Variants in BCL2 observed in about 807,000 individuals in gnomAD.
BCL2 encodes apoptosis regulator Bcl-2.
Under a neutral mutation model 14.2 loss-of-function variants are expected in BCL2, and 1 was observed. The ratio of observed to expected loss-of-function variants is 0.07; its 90% CI spans 0.02 to 0.33. BCL2 has a LOEUF of 0.33. Among genes scored for constraint, BCL2 ranks in the 10% least tolerant of loss-of-function variants. The probability of loss-of-function intolerance (pLI) is 0.99; values close to 1 mark genes in which losing one functional copy is unlikely to be tolerated. For missense variants in BCL2, 247 were observed against 305.9 expected, an observed-to-expected ratio of 0.81 and a Z score of 1.44; for synonymous variants, 151 against 137.2, an observed-to-expected ratio of 1.10 and a Z score of -0.70.
chr18:63,254,383 TAAAAAAAAAAA>T (rs71162613), intron 2 of BCL2, among the ~76,000 whole-genome samples: 1 of 38,412 alleles, frequency 2.6e-5, no homozygotes, highest in African/African-American at 1.1e-4. Flanking sequence ...CTGTCTTTGC[TAAAAAAAAAAA>T]AAAAAAAAAA....
At chr18:63,217,640 G>A (rs761961231) in intron 2 of BCL2, among the ~76,000 whole-genome samples, 3 of 152,186 alleles carry the variant, frequency 2.0e-5, no homozygotes, top group Non-Finnish European at 4.4e-5. Context: ...TGTGAAATAA[G>A]AGTGACCATC....
chr18:63,307,682 G>C (rs1423439774), intron 2 of BCL2, among the ~76,000 whole-genome samples: 1 of 152,158 alleles, frequency 6.6e-6, no homozygotes, highest in East Asian at 1.9e-4. Context: ...AGCAGCACAG[G>C]GGACAGATAC....
intron 2 of BCL2, among the ~76,000 whole-genome samples, chr18:63,170,549 A>G (rs749888272): frequency 2.0e-5 from 3 of 152,230 alleles, no homozygotes; most frequent in Non-Finnish European, 4.4e-5. Context: ...ACCCCAGGTC[A>G]GAGAAAGTCC....
intron 2 of BCL2, among the ~76,000 whole-genome samples, chr18:63,198,241 C>T (rs1568230983): frequency 6.7e-6 from 1 of 148,458 alleles, no homozygotes; most frequent in Non-Finnish European, 1.5e-5. Flanking sequence ...CACACACTGA[C>T]ATAGAGACAC....
At position 63,126,945 on chromosome 18, in the gene BCL2, G is replaced by T; in HGVS notation, c.*1680C>A. 4.4e-6 allele frequency: 1 copy of T among 226,084 alleles called. No homozygotes were observed. Among genetic ancestry groups the T allele is most frequent in the Non-Finnish European group, 8.8e-6 (1 of 113,394 alleles). The allele number at this position is 226,084 out of a possible 1,614,324, so 14.0% of individuals were successfully genotyped here. ...GTTATTCCATCAATGTTTCAAGGCT[G>T]ATTCTAAACTGGAAGAAAAAAAAAT... On this transcript the variant is annotated 3_prime_UTR_variant, in exon 3 of 3. Transcript: ENST00000333681.
chr18:63,282,313 C>G (rs1912341450), intron 2 of BCL2, among the ~76,000 whole-genome samples: 2 of 152,132 alleles, frequency 1.3e-5, no homozygotes, highest in African/African-American at 2.4e-5. Flanking sequence ...CGATTCCAAT[C>G]CAGAGTTGTA....
chr18:63,185,167 T>G (rs1203388168), intron 2 of BCL2, among the ~76,000 whole-genome samples: 1 of 152,180 alleles, frequency 6.6e-6, no homozygotes, highest in African/African-American at 2.4e-5. Context: ...GTCAAACATA[T>G]TCAGTGTCAC....
intron 2 of BCL2, among the ~76,000 whole-genome samples, chr18:63,222,993 A>C (rs899471860): frequency 6.6e-6 from 1 of 152,244 alleles, no homozygotes; most frequent in Non-Finnish European, 1.5e-5. Context: ...AAGGAAGCTG[A>C]ATCCTCAGTG....
At chr18:63,240,518 G>C (rs1910970074) in intron 2 of BCL2, among the ~76,000 whole-genome samples, 1 of 152,160 alleles carries the variant, frequency 6.6e-6, no homozygotes, top group African/African-American at 2.4e-5. Context: ...CTAGATAAAG[G>C]AATCTGGACA....
Position 63,123,547 on chromosome 18 carries a change from C to G in BCL2, c.*5078G>C, listed in dbSNP as rs925350723. On this transcript the variant is annotated 3_prime_UTR_variant, in exon 3 of 3. Coordinates refer to ENST00000333681, the MANE Select transcript of BCL2 (RefSeq NM_000633.3). Reference sequence around the variant, plus strand: ...TGTGTACAGTGTTGCAGAATATCAGCCACCTCTTAAAAGTATCAATCTTAA... The same window carrying G: ...TGTGTACAGTGTTGCAGAATATCAGGCACCTCTTAAAAGTATCAATCTTAA... 3 of 207,662 alleles carry G rather than the reference C, an allele frequency of 1.4e-5. No homozygotes were observed. Among genetic ancestry groups the G allele is most frequent in the African/African-American group, 4.6e-5 (2 of 43,802 alleles). The allele number at this position is 207,662 out of a possible 1,614,324, so 12.9% of individuals were successfully genotyped here.
At chr18:63,144,071 G>A (rs1914442797) in intron 2 of BCL2, among the ~76,000 whole-genome samples, 1 of 152,206 alleles carries the variant, frequency 6.6e-6, no homozygotes, top group Non-Finnish European at 1.5e-5. Flanking sequence ...TTTAGGTCAA[G>A]CAAATTGCTA....
At chr18:63,257,527 G>A (rs1911515384) in intron 2 of BCL2, among the ~76,000 whole-genome samples, 1 of 152,150 alleles carries the variant, frequency 6.6e-6, no homozygotes, top group African/African-American at 2.4e-5. Context: ...ACTGTTTATT[G>A]GTTTTCAACT....
intron 2 of BCL2, among the ~76,000 whole-genome samples, chr18:63,237,366 G>A (rs1191231373): frequency 6.6e-6 from 1 of 152,080 alleles, no homozygotes; most frequent in Non-Finnish European, 1.5e-5. Flanking sequence ...TAAATAATAG[G>A]GCGGATGACC....
At chr18:63,153,843 T>C (rs7230970) in intron 2 of BCL2, among the ~76,000 whole-genome samples, 69,822 of 152,046 alleles carry the variant, frequency 0.46, 17,169 homozygotes, top group African/African-American at 0.62. Flanking sequence ...GGAGGGCAGC[T>C]GAAATGGGAC....
chr18:63,240,135 G>A (rs1490065139), intron 2 of BCL2, among the ~76,000 whole-genome samples: 1 of 152,078 alleles, frequency 6.6e-6, no homozygotes, highest in African/African-American at 2.4e-5. Flanking sequence ...GACTACAGAC[G>A]TGCCACCACG....
At chr18:63,133,372 G>A (rs951030966) in intron 2 of BCL2, among the ~76,000 whole-genome samples, 83 of 142,466 alleles carry the variant, frequency 5.8e-4, no homozygotes, top group African/African-American at 2.0e-3. Context: ...AGGCTGGAGT[G>A]CAGTGGCTCC....
At chr18:63,137,660 C>A (rs1199828369) in intron 2 of BCL2, among the ~76,000 whole-genome samples, 2 of 152,140 alleles carry the variant, frequency 1.3e-5, no homozygotes, top group African/African-American at 4.8e-5. Context: ...AGTGTCCCTG[C>A]TATATTGGTT....
rs187455180 is a variant in BCL2, at chr18:63,127,312, G to A, written c.*1313C>T. 108 of 231,638 alleles carry A rather than the reference G, an allele frequency of 4.7e-4. No individual in the cohort carries two copies. The Admixed American group carries it at 4.9e-3, about 10-fold the overall frequency. 14.3% of individuals were successfully genotyped at this position (231,638 alleles called of 1,614,324 possible). A position where few individuals can be genotyped will look rare whatever the true frequency, so the allele number is the denominator to read the frequency against. ...CCATGTGCTACAGCCAAAATGGGCCGTGGCCATTGCCTCTCCTCACGTTCC... is the reference window on the plus strand; with the variant it reads ...CCATGTGCTACAGCCAAAATGGGCCATGGCCATTGCCTCTCCTCACGTTCC... On this transcript the variant is annotated 3_prime_UTR_variant, in exon 3 of 3. Coordinates refer to ENST00000333681, the MANE Select transcript of BCL2 (RefSeq NM_000633.3).
chr18:63,196,959 A>G (rs1745472750), intron 2 of BCL2, among the ~76,000 whole-genome samples: 1 of 152,192 alleles, frequency 6.6e-6, no homozygotes, highest in African/African-American at 2.4e-5. Flanking sequence ...ATATTTTAGC[A>G]TCTGAACTCC....
Sources: allele counts gnomAD v4.1 joint callset (sites outside exome capture counted in the v4.1 genomes callset), GRCh38; gene constraint gnomAD v4.1.1; transcripts MANE v1.5; gene names NCBI Gene and HGNC (gene_info 2026-07-23, HGNC 2026-07-21).